The following CADM2 variants were observed in gnomAD, a reference collection of about 807,000 sequenced individuals.
CADM2 encodes the protein cell adhesion molecule 2, also known as immunoglobulin superfamily member 4D.
Under a neutral mutation model 49.8 loss-of-function variants are expected in CADM2, and 12 were observed. The observed-to-expected ratio is 0.24, with a 90% CI of 0.15 to 0.39. The LOEUF (loss-of-function observed/expected upper bound fraction) is 0.39. Among genes scored for constraint, CADM2 ranks in the 10% least tolerant of loss-of-function variants. CADM2 has a pLI of 1.00. For missense variants in CADM2, 378 were observed against 492.3 expected (o/e 0.77, Z 2.20); for synonymous variants, 214 against 175.4 (o/e 1.22, Z -1.74).
At chr3:84,999,930 T>C (rs2033371078) in intron 1 of CADM2, among the ~76,000 whole-genome samples, 1 of 152,104 alleles carries the variant, frequency 6.6e-6, no homozygotes, top group Non-Finnish European at 1.5e-5. Context: ...TTGGATGAGA[T>C]CTTAGGGGCC....
chr3:85,715,950 G>A (rs915083067), intron 1 of CADM2, among the ~76,000 whole-genome samples: 1 of 152,166 alleles, frequency 6.6e-6, no homozygotes, highest in African/African-American at 2.4e-5. Context: ...ATTGTGAATA[G>A]TGCTGCAATA....
intron 2 of CADM2, among the ~76,000 whole-genome samples, chr3:85,772,083 G>T (rs539731385): frequency 6.7e-6 from 1 of 148,218 alleles, no homozygotes; most frequent in East Asian, 2.0e-4. Context: ...GACACTATTG[G>T]AAGCAAATGA....
intron 1 of CADM2, among the ~76,000 whole-genome samples, chr3:85,378,733 G>A (rs1370721101): frequency 6.6e-6 from 1 of 151,854 alleles, no homozygotes; most frequent in Non-Finnish European, 1.5e-5. Context: ...GGGAAAGGGT[G>A]GGAGAGGGGT....
chr3:85,478,756 T>G (rs1312941096), intron 1 of CADM2, among the ~76,000 whole-genome samples: 1 of 151,756 alleles, frequency 6.6e-6, no homozygotes, highest in Admixed American at 6.6e-5. Context: ...TGGTAGGCAG[T>G]CAGGAGATGG....
intron 7 of CADM2, among the ~76,000 whole-genome samples, chr3:85,958,030 T>A (rs556795476): frequency 7.2e-5 from 11 of 151,770 alleles, no homozygotes; most frequent in Admixed American, 5.3e-4. Context: ...TGGGAGAAAA[T>A]TTTTGCAATC....
chr3:85,495,986 G>C (rs1414180768), intron 1 of CADM2, among the ~76,000 whole-genome samples: 1 of 151,978 alleles, frequency 6.6e-6, no homozygotes, highest in Non-Finnish European at 1.5e-5. Context: ...AGCCTCAACA[G>C]CAACAATTAA....
At chr3:85,941,362 C>A (rs1410336699) in intron 7 of CADM2, among the ~76,000 whole-genome samples, 1 of 151,898 alleles carries the variant, frequency 6.6e-6, no homozygotes, top group African/African-American at 2.4e-5. Flanking sequence ...AGATTTCAAG[C>A]AAAATAAACA....
intron 1 of CADM2, among the ~76,000 whole-genome samples, chr3:84,997,454 T>C (rs1420984358): frequency 2.6e-5 from 4 of 152,022 alleles, no homozygotes; most frequent in African/African-American, 9.7e-5. Flanking sequence ...AAAGCCAGGG[T>C]ATTTAACAAC....
chr3:85,602,287 A>G (rs1489713058), intron 1 of CADM2, among the ~76,000 whole-genome samples: 2 of 151,780 alleles, frequency 1.3e-5, no homozygotes, highest in Admixed American at 6.6e-5. Context: ...AAGTTATTGG[A>G]CAAATTACCC....
intron 2 of CADM2, among the ~76,000 whole-genome samples, chr3:85,754,246 C>T (rs997910281): frequency 2.0e-5 from 3 of 152,168 alleles, no homozygotes; most frequent in African/African-American, 4.8e-5. Context: ...TGATCACCAG[C>T]TTCAGGTGTT....
intron 1 of CADM2, among the ~76,000 whole-genome samples, chr3:85,082,639 G>A (rs924725108): frequency 2.6e-5 from 4 of 152,102 alleles, no homozygotes; most frequent in African/African-American, 9.7e-5. Flanking sequence ...CGGGGTGCTT[G>A]AATACATAAC....
At chr3:85,843,898 G>C (rs4473564) in intron 3 of CADM2, among the ~76,000 whole-genome samples, 3 of 148,750 alleles carry the variant, frequency 2.0e-5, no homozygotes, top group Non-Finnish European at 3.0e-5. Context: ...ATGTGTGTGT[G>C]GGGGGGGAGC....
At chr3:85,255,956 AT>A (rs200943922) in intron 1 of CADM2, among the ~76,000 whole-genome samples, 8 of 151,330 alleles carry the variant, frequency 5.3e-5, no homozygotes, top group South Asian at 2.1e-4. Context: ...AGCTTTTAAC[AT>A]TTTTTTTTCC....
chr3:85,357,588 A>C (rs1158033950), intron 1 of CADM2, among the ~76,000 whole-genome samples: 1 of 152,076 alleles, frequency 6.6e-6, no homozygotes, highest in Non-Finnish European at 1.5e-5. Flanking sequence ...AAGTTCTATA[A>C]TATCATTTGT....
chr3:85,082,343 A>G (rs1383952565), intron 1 of CADM2, among the ~76,000 whole-genome samples: 1 of 152,186 alleles, frequency 6.6e-6, no homozygotes, highest in Non-Finnish European at 1.5e-5. Context: ...AACTGCACAT[A>G]TACTTTACAA....
At chr3:85,792,005 A>G (rs61105442) in intron 2 of CADM2, among the ~76,000 whole-genome samples, 368 of 152,194 alleles carry the variant, frequency 2.4e-3, no homozygotes, top group African/African-American at 8.2e-3. Context: ...TTACAGGCAT[A>G]AGCCACCGCG....
intron 1 of CADM2, among the ~76,000 whole-genome samples, chr3:85,200,247 C>G (rs1245833811): frequency 6.6e-6 from 1 of 152,022 alleles, no homozygotes; most frequent in African/African-American, 2.4e-5. Flanking sequence ...GTATGAAAGG[C>G]ACAATACGGT....
chr3:85,216,504 T>A (rs1399143209), intron 1 of CADM2, among the ~76,000 whole-genome samples: 1 of 151,740 alleles, frequency 6.6e-6, no homozygotes, highest in Non-Finnish European at 1.5e-5. Flanking sequence ...TATTCTTTGC[T>A]GCAAATTAAA....
intron 1 of CADM2, among the ~76,000 whole-genome samples, chr3:85,166,554 G>T (rs991956873): frequency 2.0e-5 from 3 of 151,720 alleles, no homozygotes; most frequent in Admixed American, 2.0e-4. Flanking sequence ...TATAGCTAAG[G>T]AAGAACTAAC....
Sources: gnomAD v4.1 joint callset for allele counts (sites outside exome capture counted in the v4.1 genomes callset) on GRCh38, gnomAD v4.1.1 for gene constraint, MANE v1.5 for transcripts, NCBI Gene and HGNC (gene_info 2026-07-23, HGNC 2026-07-21) for gene names.